Variants in NRG1 observed in about 807,000 individuals in gnomAD.
NRG1 encodes neuregulin 1.
A neutral mutation model predicts 63.8 loss-of-function variants in NRG1; 18 were observed. That is an observed-to-expected ratio of 0.28 (90% CI 0.19 to 0.42). The LOEUF (loss-of-function observed/expected upper bound fraction) is 0.42. Ranked by LOEUF, NRG1 falls within the 10% of genes least tolerant of loss-of-function variation. NRG1 has a pLI of 1.00. For missense variants in NRG1, 762 were observed against 814.7 expected, an observed-to-expected ratio of 0.94 and a Z score of 0.79; for synonymous variants, 302 against 301.3, an observed-to-expected ratio of 1.00 and a Z score of -0.02.
chr8:32,069,430 TAGA>T (rs1825408533), intron 1 of NRG1, among the ~76,000 whole-genome samples: 1 of 152,202 alleles, frequency 6.6e-6, no homozygotes, highest in Non-Finnish European at 1.5e-5. Context: ...GTCATCTGCC[TAGA>T]AGTAAGGTGC....
intron 1 of NRG1, among the ~76,000 whole-genome samples, chr8:31,757,254 C>T (rs137874206): frequency 1.5e-4 from 23 of 152,058 alleles, no homozygotes; most frequent in Middle Eastern, 6.8e-3. Context: ...AAAAATGTTG[C>T]TTAAGTTTTT....
At chr8:32,114,184 G>T (rs1247759138) in intron 1 of NRG1, among the ~76,000 whole-genome samples, 1 of 152,346 alleles carries the variant, frequency 6.6e-6, no homozygotes, top group African/African-American at 2.4e-5. Flanking sequence ...AGAGAAGCCA[G>T]CCAGGTTCAA....
intron 6 of NRG1, among the ~76,000 whole-genome samples, chr8:32,729,557 G>A (rs992892187): frequency 2.0e-5 from 3 of 152,168 alleles, no homozygotes; most frequent in African/African-American, 7.2e-5. Context: ...CTTAAATCTT[G>A]ACAAGGAAGA....
chr8:32,174,090 G>T (rs1372162157), intron 1 of NRG1, among the ~76,000 whole-genome samples: 1 of 152,168 alleles, frequency 6.6e-6, no homozygotes, highest in East Asian at 1.9e-4. Flanking sequence ...ATAGTTGGAA[G>T]TAAAGCACTC....
intron 1 of NRG1, among the ~76,000 whole-genome samples, chr8:32,452,160 A>C (rs1415404907): frequency 2.6e-5 from 4 of 152,186 alleles, no homozygotes; most frequent in African/African-American, 4.8e-5. Context: ...ATTCTCAAAA[A>C]TAAACATTTA....
chr8:31,913,190 A>G (rs1229087023), intron 1 of NRG1, among the ~76,000 whole-genome samples: 1 of 152,218 alleles, frequency 6.6e-6, no homozygotes. Flanking sequence ...ACTCCAAAGC[A>G]TGTACTGGAA....
rs781657313 is a variant in NRG1, at chr8:32,447,278, C to CT, written c.38-148549dup. 1.1e-3 allele frequency among the ~76,000 whole-genome samples: 168 copies of CT among 152,152 alleles called. 1 individual carries two copies. Among genetic ancestry groups the CT allele is most frequent in the Non-Finnish European group, 2.0e-3 (134 of 68,018 alleles). On this transcript the variant is annotated intron_variant, in intron 1 of 10. Coordinates refer to the NRG1 transcript ENST00000519301. ...GACCTCGTGATCCACCTGCATCGGC[C>CT]TCCCAAAGTGCTGGGATTATAGGCA...
At chr8:32,027,189 G>C (rs1192053535) in intron 1 of NRG1, among the ~76,000 whole-genome samples, 2 of 152,048 alleles carry the variant, frequency 1.3e-5, no homozygotes, top group African/African-American at 4.8e-5. Context: ...TTTGTGAGTA[G>C]GGTAGTTTCA....
chr8:32,502,076 A>C (rs13269864), intron 1 of NRG1, among the ~76,000 whole-genome samples: 8,024 of 152,292 alleles, frequency 0.053, 283 homozygotes, highest in Middle Eastern at 0.085. Context: ...GAAATACCTG[A>C]GATTGGGTAA....
chr8:32,662,091 G>A (rs778472311), intron 5 of NRG1, among the ~76,000 whole-genome samples: 12 of 152,096 alleles, frequency 7.9e-5, no homozygotes, highest in Non-Finnish European at 1.8e-4. Flanking sequence ...TAAATTATAT[G>A]GATGTATTAA....
intron 5 of NRG1, among the ~76,000 whole-genome samples, chr8:32,686,821 G>A (rs73675411): frequency 0.019 from 2,921 of 152,296 alleles, 106 homozygotes; most frequent in African/African-American, 0.067. Context: ...AGAAAAGTGT[G>A]CTCAATGTAT....
At chr8:32,636,212 G>A (rs868135753) in intron 5 of NRG1, among the ~76,000 whole-genome samples, 14 of 151,692 alleles carry the variant, frequency 9.2e-5, no homozygotes, top group South Asian at 4.1e-4. Context: ...GTGTTCGGGC[G>A]CAGGGGGTGG....
At chr8:31,791,118 A>G (rs2131662586) in intron 1 of NRG1, among the ~76,000 whole-genome samples, 1 of 152,002 alleles carries the variant, frequency 6.6e-6, no homozygotes, top group South Asian at 2.1e-4. Context: ...CTGAGGCGCA[A>G]GAATCCATTG....
chr8:32,141,973 C>G (rs1053329726), intron 1 of NRG1, among the ~76,000 whole-genome samples: 4 of 152,080 alleles, frequency 2.6e-5, no homozygotes, highest in African/African-American at 9.7e-5. Context: ...CCGTGGGAAG[C>G]CTTTGGACTC....
intron 1 of NRG1, among the ~76,000 whole-genome samples, chr8:32,248,523 C>A (rs1237790846): frequency 6.6e-6 from 1 of 152,006 alleles, no homozygotes; most frequent in African/African-American, 2.4e-5. Context: ...ACTTTTCTCT[C>A]TTGCATAGAA....
At chr8:32,233,823 C>A (rs367578744) in intron 1 of NRG1, among the ~76,000 whole-genome samples, 1 of 152,078 alleles carries the variant, frequency 6.6e-6, no homozygotes, top group East Asian at 1.9e-4. Context: ...CATCAGCCTC[C>A]CAAAGTGCTG....
intron 1 of NRG1, among the ~76,000 whole-genome samples, chr8:32,356,518 T>C (rs1162299435): frequency 8.1e-6 from 1 of 124,206 alleles, no homozygotes; most frequent in Non-Finnish European, 1.6e-5. Flanking sequence ...ATATCCTAAA[T>C]GTTCTCTTGA....
rs144437735 is a variant in NRG1, at chr8:31,703,476, T to C, written c.37+64045T>C. On this transcript the variant is annotated intron_variant, in intron 1 of 10. Coordinates refer to the NRG1 transcript ENST00000519301. ...ATACATTTGTTTTGCATTGCTGGTT[T>C]CAATTATTCTGAAAGGACTTTTATT... is the stretch of plus-strand genomic sequence containing the variant. 1.4e-4 allele frequency among the ~76,000 whole-genome samples: 22 copies of C among 152,302 alleles called. No individual in the cohort carries two copies. In the East Asian group the frequency reaches 3.3e-3, roughly 23 times the overall value.
chr8:31,734,192 G>A lies in NRG1; in HGVS notation c.37+94761G>A, dbSNP rs904474889. 2.0e-5 allele frequency among the ~76,000 whole-genome samples: 3 copies of A among 152,258 alleles called. No individual in the cohort carries two copies. In the East Asian group the frequency reaches 5.8e-4, roughly 29 times the overall value. Reference sequence around the variant, plus strand: ...AAATTAAAAAAAAGCCAGGCATGGTGGCGCGTACCTATAGCCCTAGCTGCC... The same window carrying A: ...AAATTAAAAAAAAGCCAGGCATGGTAGCGCGTACCTATAGCCCTAGCTGCC... On this transcript the variant is annotated intron_variant, in intron 1 of 10. Coordinates refer to the NRG1 transcript ENST00000519301.
Sources: allele counts gnomAD v4.1 joint callset (sites outside exome capture counted in the v4.1 genomes callset), GRCh38; gene constraint gnomAD v4.1.1; transcripts MANE v1.5; gene names NCBI Gene and HGNC (gene_info 2026-07-23, HGNC 2026-07-21).